FOXA1: variants seen among roughly 807,000 people sequenced by gnomAD.
FOXA1 encodes the protein hepatocyte nuclear factor 3-alpha.
FOXA1 carries 9 observed loss-of-function variants against 29.2 expected under a neutral mutation model. That is an observed-to-expected ratio of 0.31 (90% CI 0.19 to 0.54). FOXA1 has a LOEUF of 0.54. Ranked by LOEUF, FOXA1 falls within the 20% of genes least tolerant of loss-of-function variation. The pLI, the probability that FOXA1 is intolerant of heterozygous loss-of-function variation, is 0.95. For missense variants in FOXA1, 644 were observed against 681.2 expected, an observed-to-expected ratio of 0.95 and a Z score of 0.61; for synonymous variants, 340 against 300.9, an observed-to-expected ratio of 1.13 and a Z score of -1.34.
At position 37,591,048 on chromosome 14, in the gene FOXA1, G is replaced by A; in HGVS notation, c.*317C>T. On this transcript the variant is annotated 3_prime_UTR_variant, in exon 2 of 2. Coordinates refer to ENST00000250448, the MANE Select transcript of FOXA1 (RefSeq NM_004496.5). ...CTCCACAAACTAGAATGTCTGGAGG[G>A]GAAAGAGGGAAGAAAGAGAGGGGGG... The A allele has an allele frequency of 2.2e-6, 1 of 462,010 alleles. No homozygotes were observed. The allele number at this position is 462,010 out of a possible 1,614,324, so 28.6% of individuals were successfully genotyped here.
intron 1 of FOXA1, chr14:37,594,000 T>TAAAGAG: frequency 4.6e-6 from 5 of 1,086,786 alleles, no homozygotes; most frequent in African/African-American, 1.7e-5. Flanking sequence ...AATACATAAA[T>TAAAGAG]CTAAATAAGT....
At position 37,595,065 on chromosome 14, in the gene FOXA1, T is replaced by G; in HGVS notation, c.-93A>C. On this transcript the variant is annotated 5_prime_UTR_variant, in exon 1 of 2. Coordinates refer to ENST00000250448, the MANE Select transcript of FOXA1 (RefSeq NM_004496.5). ...GGGCGGGGGAGGGGAGCTGAGCAGC[T>G]GCAGTCACCCGAGCGCCCGCGCGGG... The G allele has an allele frequency of 3.4e-6, 4 of 1,182,000 alleles. No homozygotes were observed. The highest frequency in any genetic ancestry group is 4.6e-6 in the Non-Finnish European group (4 of 861,732). The allele number at this position is 1,182,000 out of a possible 1,614,324, so 73.2% of individuals were successfully genotyped here.
intron 1 of FOXA1, 146 bp downstream of exon 1, chr14:37,594,755 C>A: frequency 5.0e-6 from 2 of 399,878 alleles, no homozygotes; most frequent in Non-Finnish European, 7.7e-6. Context: ...CCGGCCGGGG[C>A]CACACCGGCG....
At position 37,592,592 on chromosome 14, in the gene FOXA1, G is replaced by C; in HGVS notation, c.192C>G (p.Phe64Leu). 6.2e-7 allele frequency: 1 copy of C among 1,614,226 alleles called. No homozygotes were observed. Among genetic ancestry groups the C allele is most frequent in the Non-Finnish European group, 8.5e-7 (1 of 1,180,040 alleles). ...GGCCCGGGTTGGCATAGGACATGTTGAAGGACGCCGGGGTCATGTTGCCGC... is the reference window on the plus strand; with the variant it reads ...GGCCCGGGTTGGCATAGGACATGTTCAAGGACGCCGGGGTCATGTTGCCGC... ...TTSGNMTPAS[F>L]NMSYANPGLG... Residue 64 changes from phenylalanine (F) to leucine (L), a missense_variant, in exon 2 of 2, where the codon TTC becomes TTG. This residue lies in a region of FOXA1 where 309 missense variants were observed against 307.0 expected (regional missense o/e 1.01). Coordinates refer to ENST00000250448, the MANE Select transcript of FOXA1 (RefSeq NM_004496.5).
Position 37,591,483 on chromosome 14 carries a change from G to A in FOXA1, c.1301C>T (p.Pro434Leu), listed in dbSNP as rs561930261. The change falls in exon 2 of 2, where the codon CCC becomes CTC. Residue 434 changes from proline to leucine, a missense_variant. Around this residue, in one of 5 missense-constraint regions of FOXA1, gnomAD observed 295 missense variants for 294.4 expected, o/e 1.00. Coordinates refer to ENST00000250448, the MANE Select transcript of FOXA1 (RefSeq NM_004496.5). ...LQYSPYGSTL[P>L]ASLPLGSASV... ...GGCGCTGCCTAGAGGCAGGCTGGCG[G>A]GCAACGTAGAGCCGTAAGGCGAGTA... 1.9e-6 allele frequency: 3 copies of A among 1,614,220 alleles called. No individual in the cohort carries two copies. The highest frequency in any genetic ancestry group is 1.1e-5 in the South Asian group (1 of 91,090).
Position 37,595,040 on chromosome 14 carries a change from G to T in FOXA1, c.-68C>A. The T allele has an allele frequency of 7.0e-7, 1 of 1,431,686 alleles. No homozygotes were observed. Among genetic ancestry groups the T allele is most frequent in the East Asian group, 2.6e-5 (1 of 37,902 alleles). 88.7% of individuals were successfully genotyped at this position (1,431,686 alleles called of 1,614,324 possible). ...AAGCGACGGGCGGCCGCGCGGCGCG[G>T]GGCGGGGGAGGGGAGCTGAGCAGCT... On this transcript the variant is annotated 5_prime_UTR_variant, in exon 1 of 2. Coordinates refer to ENST00000250448, the MANE Select transcript of FOXA1 (RefSeq NM_004496.5).
At position 37,592,222 on chromosome 14, in the gene FOXA1, T is replaced by C. The variant is rs752366899; in HGVS notation, c.562A>G (p.Ser188Gly). ...ATCTCGCTCAGCGTGAGCATCTTGC[T>C]GGGCGCCTGCTGGATGGCCATGGTG... The part of the protein sequence containing the change: ...LITMAIQQAP[S>G]KMLTLSEIYQ... Residue 188 changes from serine to glycine, a missense_variant, in exon 2 of 2, where the codon AGC becomes GGC. Around this residue, in one of 5 missense-constraint regions of FOXA1, gnomAD observed 309 missense variants for 307.0 expected, o/e 1.01. Transcript: ENST00000250448. The C allele has an allele frequency of 1.2e-6, 2 of 1,611,572 alleles. No homozygotes were observed. The highest frequency in any genetic ancestry group is 2.3e-5 in the East Asian group (1 of 43,614).
chr14:37,592,367 G>A lies in FOXA1; in HGVS notation c.417C>T (p.Ser139=), dbSNP rs33941285. The stretch of plus-strand genomic sequence containing the variant: ...GGTTGGACGGCGCGTACGCCATGGG[G>A]CTCATGCACGGGTTCATGGCGGCCG... ...PYAAAMNPCM[S]PMAYAPSNLG... The change falls in exon 2 of 2, where the codon AGC becomes AGT. Residue 139 remains serine (S), a synonymous_variant. Coordinates refer to ENST00000250448, the MANE Select transcript of FOXA1 (RefSeq NM_004496.5). 4.7e-3 allele frequency: 7,558 copies of A among 1,603,184 alleles called. 30 individuals carry two copies. Among genetic ancestry groups the A allele is most frequent in the Middle Eastern group, 6.4e-3 (38 of 5,980 alleles).
In FOXA1 at chr14:37,592,316, G is replaced by C. The variant is rs764130009; in HGVS notation, c.468C>G (p.Gly156=). ...SNLGRSRAGG[G]GDAKTFKRSY... ...TGCGCTTGAACGTCTTGGCGTCGCC[G>C]CCGCCGCCCGCGCGGCTGCGGCCCA... The change falls in exon 2 of 2, where the codon GGC becomes GGG. Residue 156 remains glycine, a synonymous_variant. Coordinates refer to ENST00000250448, the MANE Select transcript of FOXA1 (RefSeq NM_004496.5). 19 of 1,598,332 alleles carry C rather than the reference G, an allele frequency of 1.2e-5. No homozygotes were observed. The highest frequency in any genetic ancestry group is 1.4e-5 in the Non-Finnish European group (17 of 1,173,688).
chr14:37,591,285 T>C lies in FOXA1; in HGVS notation c.*80A>G, dbSNP rs1010983929. 6.5e-6 allele frequency: 10 copies of C among 1,541,218 alleles called. No individual in the cohort carries two copies. Among genetic ancestry groups the C allele is most frequent in the Non-Finnish European group, 5.3e-6 (6 of 1,126,688 alleles). ...TTATTATGCTGTTGACGGTTTGGTTTGTGTGGTTTTGTTTGCTGTTGATTT... is the reference window on the plus strand; with the variant it reads ...TTATTATGCTGTTGACGGTTTGGTTCGTGTGGTTTTGTTTGCTGTTGATTT... On this transcript the variant is annotated 3_prime_UTR_variant, in exon 2 of 2. Transcript: ENST00000250448.
At position 37,591,793 on chromosome 14, in the gene FOXA1, T is replaced by C. The variant is rs2139180800; in HGVS notation, c.991A>G (p.Ser331Gly). ...CCACTGTGGTCCAGAGTCTGGGGGC[T>C]GGCGGCGGGCCCGGGGGCCGGCGCG... ...EGAPAPGPAA[S>G]PQTLDHSGAT... is the part of the protein sequence containing the mutation. The change falls in exon 2 of 2, where the codon AGC (serine) becomes GGC (glycine). Residue 331 changes from serine to glycine, a missense_variant. Ser to Gly is a moderately conservative substitution (Grantham distance 56). Around this residue, in one of 5 missense-constraint regions of FOXA1, gnomAD observed 295 missense variants for 294.4 expected, o/e 1.00. Coordinates refer to ENST00000250448, the MANE Select transcript of FOXA1 (RefSeq NM_004496.5). 6.8e-7 allele frequency: 1 copy of C among 1,468,710 alleles called. No individual in the cohort carries two copies. The highest frequency in any genetic ancestry group is 9.0e-7 in the Non-Finnish European group (1 of 1,113,628). The allele number at this position is 1,468,710 out of a possible 1,614,324, so 91.0% of individuals were successfully genotyped here. A position where few individuals can be genotyped will look rare whatever the true frequency, so the allele number is the denominator to read the frequency against.
chr14:37,594,120 C>T (rs1047615900), intron 1 of FOXA1: 3 of 1,286,980 alleles, frequency 2.3e-6, no homozygotes, highest in African/African-American at 3.0e-5. Context: ...TTATCCAAGG[C>T]AGTTCCAATA....
chr14:37,592,793 C>G, intron 1 of FOXA1, 82 bp from the exon 2 acceptor site: 1 of 1,562,150 alleles, frequency 6.4e-7, no homozygotes, highest in Non-Finnish European at 8.7e-7. Flanking sequence ...CGGGACCTAA[C>G]CCGGGGGCAA....
Position 37,594,967 on chromosome 14 carries a change from T to C in FOXA1, c.6A>G (p.Leu2=). 6.4e-7 allele frequency: 1 copy of C among 1,562,714 alleles called. No individual in the cohort carries two copies. Among genetic ancestry groups the C allele is most frequent in the Non-Finnish European group, 8.7e-7 (1 of 1,147,250 alleles). Residue 2 remains leucine, a synonymous_variant, in exon 1 of 2, where the codon TTA becomes TTG. Transcript: ENST00000250448. ...CATGCCCTTCCATCTTCACAGTTCC[T>C]AACATCCTGGAGCCACCCTGCCCAA... is the stretch of plus-strand genomic sequence containing the variant. M[L]GTVKMEGHET... is the part of the protein sequence containing the mutation.
In FOXA1 at chr14:37,590,286, A is replaced by C; in HGVS notation, c.*1079T>G. On this transcript the variant is annotated 3_prime_UTR_variant, in exon 2 of 2. Transcript: ENST00000250448. ...TGTGGAAAGTGCATAACACTGGATG[A>C]AACAAGCACACGATGGCAATGATTA... 1 of 232,478 alleles carries C rather than the reference A, an allele frequency of 4.3e-6. No individual in the cohort carries two copies. Among genetic ancestry groups the C allele is most frequent in the Non-Finnish European group, 8.5e-6 (1 of 117,422 alleles). The allele number at this position is 232,478 out of a possible 1,614,324, so 14.4% of individuals were successfully genotyped here.
rs1413644438 is a variant in FOXA1 at position 37,592,232 on chromosome 14, C to T, written c.552G>A (p.Gln184=). Residue 184 remains glutamine, a synonymous_variant, in exon 2 of 2, where the codon CAG becomes CAA. Transcript: ENST00000250448. ...SYISLITMAI[Q]QAPSKMLTLS... is the part of the protein sequence containing the mutation. ...GCGTGAGCATCTTGCTGGGCGCCTG[C>T]TGGATGGCCATGGTGATGAGCGAGA... is the stretch of plus-strand genomic sequence containing the variant. 6.2e-7 allele frequency: 1 copy of T among 1,613,914 alleles called. No individual in the cohort carries two copies. The highest frequency in any genetic ancestry group is 8.5e-7 in the Non-Finnish European group (1 of 1,179,886).
Position 37,590,152 on chromosome 14 carries a change from G to C in FOXA1, c.*1213C>G, listed in dbSNP as rs2095594319. The C allele has an allele frequency of 4.3e-6, 1 of 231,610 alleles. No homozygotes were observed. Among genetic ancestry groups the C allele is most frequent in the Non-Finnish European group, 8.5e-6 (1 of 116,974 alleles). 14.3% of individuals were successfully genotyped at this position (231,610 alleles called of 1,614,324 possible). On this transcript the variant is annotated 3_prime_UTR_variant, in exon 2 of 2. Transcript: ENST00000250448. ...TTTGTAATTTTAACCATCATTTAAA[G>C]CAATTTCAGCTGTAAAGAAAAAGAA...
In FOXA1 at chr14:37,591,939, C is replaced by A. The variant is rs2095596159; in HGVS notation, c.845G>T (p.Ser282Ile). 6.6e-7 allele frequency: 1 copy of A among 1,506,388 alleles called. No individual in the cohort carries two copies. The highest frequency in any genetic ancestry group is 1.4e-5 in the African/African-American group (1 of 71,446). The allele number at this position is 1,506,388 out of a possible 1,614,324, so 93.3% of individuals were successfully genotyped here. Residue 282 changes from serine (S) to isoleucine (I), a missense_variant, in exon 2 of 2, where the codon AGC becomes ATC. Physicochemically the swap from Ser to Ile is moderately radical, Grantham distance 142. Transcript: ENST00000250448. The stretch of plus-strand genomic sequence containing the variant: ...GCCGCCCTTGGCGCCGCTGCCCCCG[C>A]TTCCGCTCCCGCCCCCGCCGCCGGC... ...PGAGGGGGSG[S>I]GGSGAKGGPE...
Position 37,591,272 on chromosome 14 carries a change from T to C in FOXA1, c.*93A>G. On this transcript the variant is annotated 3_prime_UTR_variant, in exon 2 of 2. Coordinates refer to ENST00000250448, the MANE Select transcript of FOXA1 (RefSeq NM_004496.5). ...AGTTGTTGGGATTTTATTATGCTGT[T>C]GACGGTTTGGTTTGTGTGGTTTTGT... 1 of 1,463,462 alleles carries C rather than the reference T, an allele frequency of 6.8e-7. No individual in the cohort carries two copies. Among genetic ancestry groups the C allele is most frequent in the South Asian group, 1.1e-5 (1 of 87,002 alleles). The allele number at this position is 1,463,462 out of a possible 1,614,324, so 90.7% of individuals were successfully genotyped here.
Sources: gnomAD v4.1 joint callset for allele counts on GRCh38, gnomAD v4.1.1 for gene constraint, gnomAD v4.1.1 regional missense constraint, MANE v1.5 for transcripts, NCBI Gene and HGNC (gene_info 2026-07-23, HGNC 2026-07-21) for gene names.